Variants in SH2D3C observed in about 807,000 individuals in gnomAD.
SH2D3C encodes SH2 domain-containing protein 3C.
In SH2D3C, 25 loss-of-function variants were observed where a neutral mutation model predicts 75.2. That is an observed-to-expected ratio of 0.33 (90% confidence interval 0.24 to 0.46). The LOEUF is 0.46. Ranked by LOEUF, SH2D3C falls within the 20% of genes least tolerant of loss-of-function variation. The probability of loss-of-function intolerance (pLI) is 1.00; values close to 1 mark genes in which losing one functional copy is unlikely to be tolerated. For synonymous variants in SH2D3C, 450 were observed against 473.7 expected (o/e 0.95, Z 0.65); for missense variants, 933 against 1,165.3 (o/e 0.80, Z 2.90).
At chr9:127,744,336 G>T (rs1844958641) in intron 7 of SH2D3C, among the ~76,000 whole-genome samples, 1 of 152,112 alleles carries the variant, frequency 6.6e-6, no homozygotes, top group Non-Finnish European at 1.5e-5. Flanking sequence ...CTCCCAAAGT[G>T]CTGGGATTCA....
At chr9:127,770,669 G>A (rs1845716253) in intron 2 of SH2D3C, among the ~76,000 whole-genome samples, 1 of 133,308 alleles carries the variant, frequency 7.5e-6, no homozygotes, top group Non-Finnish European at 1.5e-5. Flanking sequence ...AGATGCTGGA[G>A]GAGAAGAGTC....
At chr9:127,773,729 A>G (rs1198875093) in intron 2 of SH2D3C, among the ~76,000 whole-genome samples, 1 of 151,832 alleles carries the variant, frequency 6.6e-6, no homozygotes, top group Non-Finnish European at 1.5e-5. Context: ...GCCAGCCTGG[A>G]CAACATGGTG....
rs59274690 is a variant in SH2D3C, at chr9:127,757,636, G to GATTATTATTATT, written c.555+3974_555+3975insAATAATAATAAT. On this transcript the variant is annotated intron_variant, in intron 3 of 11. Coordinates refer to ENST00000314830, the MANE Select transcript of SH2D3C (RefSeq NM_170600.3). The stretch of plus-strand genomic sequence containing the variant: ...TGATGATGATGATGATGATGATGAT[G>GATTATTATTATT]ATGATGATGATTATTATTATTATTA... 4.4e-3 allele frequency among the ~76,000 whole-genome samples: 391 copies of GATTATTATTATT among 88,242 alleles called. 1 individual carries two copies. The highest frequency in any genetic ancestry group is 0.014 in the East Asian group (31 of 2,246). The allele number at this position is 88,242 out of a possible 152,430, so 57.9% of individuals were successfully genotyped here. A position where few individuals can be genotyped will look rare whatever the true frequency, so the allele number is the denominator to read the frequency against.
Position 127,766,346 on chromosome 9 carries a change from G to A in SH2D3C, c.516-4696C>T, listed in dbSNP as rs1411698772. 2.0e-5 allele frequency among the ~76,000 whole-genome samples: 3 copies of A among 152,316 alleles called. No homozygotes were observed. In the East Asian group the frequency reaches 5.8e-4, roughly 29 times the overall value. On this transcript the variant is annotated intron_variant, in intron 2 of 11. Coordinates refer to ENST00000314830, the MANE Select transcript of SH2D3C (RefSeq NM_170600.3). ...CCCTGCCCCTGATCCCTGGCTCCCTGCCTTCCCTCTCTGAAGCTCAACTTC... is the reference window on the plus strand; with the variant it reads ...CCCTGCCCCTGATCCCTGGCTCCCTACCTTCCCTCTCTGAAGCTCAACTTC...
rs923675236 is a variant in SH2D3C, at chr9:127,754,745, C to T, written c.556-3445G>A. Reference sequence around the variant, plus strand: ...AGGTCAGCCGCAAGGGCCAGCGTACCAGGCGGAGGACCGGCAGGACGCCGG... The same window carrying T: ...AGGTCAGCCGCAAGGGCCAGCGTACTAGGCGGAGGACCGGCAGGACGCCGG... On this transcript the variant is annotated intron_variant, in intron 3 of 11. Transcript: ENST00000314830. This position sits in a 1 kb window ranked among gnomAD's most constrained non-coding sequence, Gnocchi z 4.4. 8.7e-6 allele frequency: 4 copies of T among 458,722 alleles called. No individual in the cohort carries two copies. The highest frequency in any genetic ancestry group is 8.0e-5 in the African/African-American group (4 of 49,700). The allele number at this position is 458,722 out of a possible 1,614,324, so 28.4% of individuals were successfully genotyped here.
intron 2 of SH2D3C, among the ~76,000 whole-genome samples, chr9:127,766,623 G>A (rs1845640443): frequency 6.6e-6 from 1 of 152,188 alleles, no homozygotes; most frequent in African/African-American, 2.4e-5. Context: ...AGGCTCAAGT[G>A]CAGTGTCATG....
chr9:127,755,215 C>A, intron 3 of SH2D3C: 1 of 1,185,554 alleles, frequency 8.4e-7, no homozygotes, highest in Non-Finnish European at 1.0e-6. Flanking sequence ...GCCGGCGGGG[C>A]AGGGGCGCAG....
In SH2D3C at chr9:127,739,869, G is replaced by A. The variant is rs1425029813; in HGVS notation, c.2220C>T (p.Asn740=). The A allele has an allele frequency of 1.3e-6, 2 of 1,546,008 alleles. No individual in the cohort carries two copies. The highest frequency in any genetic ancestry group is 1.8e-6 in the Non-Finnish European group (2 of 1,140,800). The change falls in exon 11 of 12, where the codon AAC becomes AAT. Residue 740 remains asparagine, a synonymous_variant. Coordinates refer to ENST00000314830, the MANE Select transcript of SH2D3C (RefSeq NM_170600.3). This position sits in a 1 kb window ranked among gnomAD's most constrained non-coding sequence, Gnocchi z 4.3. ...NEGKEGPPLS[N]TTFPHVLPLI... is the part of the protein sequence containing the mutation. ...GGGGCAGCACATGAGGAAACGTGGT[G>A]TTGCTCAGCGGCGGGCCTTCTGCAA...
chr9:127,740,744 A>G (rs1844830340), intron 9 of SH2D3C, among the ~76,000 whole-genome samples: 1 of 152,194 alleles, frequency 6.6e-6, no homozygotes, highest in Non-Finnish European at 1.5e-5. Flanking sequence ...GCAGTGGCGC[A>G]ATCTCGGCTC....
chr9:127,773,917 C>CAA (rs370913098), intron 2 of SH2D3C, 73 bp downstream of exon 2: 413 of 750,536 alleles, frequency 5.5e-4, no homozygotes, highest in African/African-American at 7.1e-4. Context: ...CACTCTGTGT[C>CAA]AAAAAAAAAA....
In SH2D3C at chr9:127,738,847, CCT is replaced by C; in HGVS notation, c.2480_2481del (p.Gln827ArgfsTer11). On this transcript the variant is annotated frameshift_variant, in exon 12 of 12. Transcript: ENST00000314830. LOFTEE classifies it high-confidence loss of function. This position sits in a 1 kb window ranked among gnomAD's most constrained non-coding sequence, Gnocchi z 5.0. ...EFQMRLLWGS[Q>X]GASSSQARRY... ...CGCCGGGCCTGGCTGCTGCTGGCAC[CCT>C]GACTGCCCCAGAGAAGGCGCATCTG... 6.2e-7 allele frequency: 1 copy of C among 1,601,846 alleles called. No homozygotes were observed. The highest frequency in any genetic ancestry group is 8.5e-7 in the Non-Finnish European group (1 of 1,174,520).
At chr9:127,752,973 G>GCAGGTGGA (rs1254470275) in intron 3 of SH2D3C, among the ~76,000 whole-genome samples, 7 of 152,254 alleles carry the variant, frequency 4.6e-5, no homozygotes, top group African/African-American at 1.4e-4. Flanking sequence ...GGTGGAGAGG[G>GCAGGTGGA]CAGGTGGACA....
At chr9:127,762,254 C>T in intron 2 of SH2D3C, 1 of 1,233,098 alleles carries the variant, frequency 8.1e-7, no homozygotes, top group South Asian at 1.4e-5. Flanking sequence ...GGCCAGAGGC[C>T]AGAGACGGCT....
rs1202813348 is a variant in SH2D3C at position 127,774,483 on chromosome 9, G to A, written c.38-16C>T. The A allele has an allele frequency of 8.0e-7, 1 of 1,244,158 alleles. No individual in the cohort carries two copies. Among genetic ancestry groups the A allele is most frequent in the East Asian group, 2.3e-5 (1 of 42,610 alleles). The allele number at this position is 1,244,158 out of a possible 1,614,324, so 77.1% of individuals were successfully genotyped here. A position where few individuals can be genotyped will look rare whatever the true frequency, so the allele number is the denominator to read the frequency against. ...TTGAAGAACTCTAGCAGAGGGGAAGGGAAGGAAAAGAAGTTAATGACAATG... is the reference window on the plus strand; with the variant it reads ...TTGAAGAACTCTAGCAGAGGGGAAGAGAAGGAAAAGAAGTTAATGACAATG... On this transcript the variant is annotated splice_polypyrimidine_tract_variant and intron_variant, in intron 1 of 11. Coordinates refer to ENST00000314830, the MANE Select transcript of SH2D3C (RefSeq NM_170600.3). This position sits in a 1 kb window ranked among gnomAD's most constrained non-coding sequence, Gnocchi z 4.3.
chr9:127,764,615 C>T (rs1287677952), intron 2 of SH2D3C, among the ~76,000 whole-genome samples: 2 of 152,206 alleles, frequency 1.3e-5, no homozygotes, highest in African/African-American at 4.8e-5. Context: ...CCCACCCCAC[C>T]TCAGGGTCTT....
chr9:127,752,311 C>G (rs527929642), intron 3 of SH2D3C, among the ~76,000 whole-genome samples: 2 of 152,244 alleles, frequency 1.3e-5, no homozygotes, highest in Middle Eastern at 3.4e-3. Context: ...CACCTCACTG[C>G]GAAGATGAAA....
chr9:127,755,193 G>C (rs532397395), intron 3 of SH2D3C: 27 of 1,201,176 alleles, frequency 2.2e-5, no homozygotes, highest in East Asian at 6.8e-5. Context: ...GGGACGGTGT[G>C]GGGGGGCGGT....
rs1311135321 is a variant in SH2D3C at position 127,756,874 on chromosome 9, C to T, written c.555+4737G>A. On this transcript the variant is annotated intron_variant, in intron 3 of 11. Transcript: ENST00000314830. Reference sequence around the variant, plus strand: ...GTCTCGATCTCCTGACCTCGTGATCCGCCCACCTCGGCCTCCCAAAGTGCT... The same window carrying T: ...GTCTCGATCTCCTGACCTCGTGATCTGCCCACCTCGGCCTCCCAAAGTGCT... 5.3e-5 allele frequency among the ~76,000 whole-genome samples: 8 copies of T among 151,878 alleles called. No individual in the cohort carries two copies. The East Asian group carries it at 7.8e-4, about 15-fold the overall frequency.
chr9:127,769,215 T>C (rs1845688639), intron 2 of SH2D3C, among the ~76,000 whole-genome samples: 2 of 152,202 alleles, frequency 1.3e-5, no homozygotes, highest in Non-Finnish European at 2.9e-5. Context: ...TCAGTCAAAA[T>C]GACAATGAAT....
Sources: allele counts gnomAD v4.1 joint callset (sites outside exome capture counted in the v4.1 genomes callset), GRCh38; gene constraint gnomAD v4.1.1; non-coding constraint Gnocchi (gnomAD v3.1); transcripts MANE v1.5; gene names NCBI Gene and HGNC (gene_info 2026-07-23, HGNC 2026-07-21).